The following LRRC58 variants were observed in gnomAD, a reference collection of about 807,000 sequenced individuals.
LRRC58 encodes leucine-rich repeat-containing protein 58.
Under a neutral mutation model 30.6 loss-of-function variants are expected in LRRC58, and 18 were observed. That is an observed-to-expected ratio of 0.59 (90% CI 0.41 to 0.87). The LOEUF (loss-of-function observed/expected upper bound fraction) is 0.87. LRRC58 is among the 40% of genes least tolerant of loss of function. LRRC58 has a pLI of 0.00. For synonymous variants in LRRC58, 221 were observed against 206.0 expected (o/e 1.07, Z -0.62); for missense variants, 420 against 468.4 (o/e 0.90, Z 0.95).
chr3:120,337,238 A>C (rs1321108748), intron 1 of LRRC58, among the ~76,000 whole-genome samples: 1 of 152,246 alleles, frequency 6.6e-6, no homozygotes, highest in Admixed American at 6.5e-5. Flanking sequence ...TTAGCATATA[A>C]GAGCACTCCT....
chr3:120,341,137 C>G (rs1295028511), intron 1 of LRRC58, among the ~76,000 whole-genome samples: 7 of 152,084 alleles, frequency 4.6e-5, no homozygotes, highest in African/African-American at 2.4e-5. Flanking sequence ...AAAACAGTTC[C>G]TAGGCAGGGT....
intron 3 of LRRC58, 135 bp from the exon 4 acceptor site, chr3:120,331,543 C>G (rs969674069): frequency 1.4e-6 from 1 of 704,784 alleles, no homozygotes; most frequent in African/African-American, 1.8e-5. Flanking sequence ...GTAGTACTTG[C>G]TTGTATAGCT....
At chr3:120,340,050 G>A (rs887583417) in intron 1 of LRRC58, among the ~76,000 whole-genome samples, 3 of 151,822 alleles carry the variant, frequency 2.0e-5, no homozygotes, top group African/African-American at 7.3e-5. Flanking sequence ...TAGTAAAGAC[G>A]AGGTTTTACC....
rs1250382745 is a variant in LRRC58, at chr3:120,325,133, A to G, written c.*6067T>C. The G allele has an allele frequency of 6.6e-6, 1 of 152,222 alleles. No homozygotes were observed. The highest frequency in any genetic ancestry group is 1.5e-5 in the Non-Finnish European group (1 of 68,032). The allele number at this position is 152,222 out of a possible 1,614,324, so 9.4% of individuals were successfully genotyped here. On this transcript the variant is annotated 3_prime_UTR_variant, in exon 4 of 4. Coordinates refer to ENST00000295628, the MANE Select transcript of LRRC58 (RefSeq NM_001099678.2). ...CTCAACTGCAGGCACACGTCTTTAC[A>G]TGATTGTTGTAAAGTGACTGTTTAG...
At position 120,327,020 on chromosome 3, in the gene LRRC58, GA is replaced by G. The variant is rs1935684671; in HGVS notation, c.*4179del. The G allele has an allele frequency of 6.6e-6, 1 of 152,196 alleles. No individual in the cohort carries two copies. Among genetic ancestry groups the G allele is most frequent in the African/African-American group, 2.4e-5 (1 of 41,446 alleles). The allele number at this position is 152,196 out of a possible 1,614,324, so 9.4% of individuals were successfully genotyped here. A position where few individuals can be genotyped will look rare whatever the true frequency, so the allele number is the denominator to read the frequency against. ...TTGGGAAGAGCAAGGTTGGCTGTAA[GA>G]AGATCGTATTACTTGCTGGCCCTTA... On this transcript the variant is annotated 3_prime_UTR_variant, in exon 4 of 4. Coordinates refer to ENST00000295628, the MANE Select transcript of LRRC58 (RefSeq NM_001099678.2).
Position 120,327,489 on chromosome 3 carries a change from C to T in LRRC58, c.*3711G>A, listed in dbSNP as rs1935697107. ...CAGGATGGTCTCGATCTCCTGACCTCGTGATCCACCCGCCTCGGCCTCCCA... is the reference window on the plus strand; with the variant it reads ...CAGGATGGTCTCGATCTCCTGACCTTGTGATCCACCCGCCTCGGCCTCCCA... On this transcript the variant is annotated 3_prime_UTR_variant, in exon 4 of 4. Transcript: ENST00000295628. The T allele has an allele frequency of 6.6e-6, 1 of 151,640 alleles. No individual in the cohort carries two copies. The highest frequency in any genetic ancestry group is 1.5e-5 in the Non-Finnish European group (1 of 67,898). 9.4% of individuals were successfully genotyped at this position (151,640 alleles called of 1,614,324 possible). A position where few individuals can be genotyped will look rare whatever the true frequency, so the allele number is the denominator to read the frequency against.
intron 3 of LRRC58, among the ~76,000 whole-genome samples, chr3:120,334,516 A>ATAAAT (rs1489584815): frequency 2.6e-5 from 2 of 75,728 alleles, no homozygotes; most frequent in Non-Finnish European, 4.8e-5. Flanking sequence ...TCAAAAATAA[A>ATAAAT]TAAATAAATA....
At chr3:120,333,374 T>C (rs1935786760) in intron 3 of LRRC58, among the ~76,000 whole-genome samples, 1 of 152,228 alleles carries the variant, frequency 6.6e-6, no homozygotes, top group South Asian at 2.1e-4. Flanking sequence ...TGCTGCCCTA[T>C]GTGTTTTCCT....
intron 1 of LRRC58, among the ~76,000 whole-genome samples, chr3:120,346,319 C>T (rs907050733): frequency 6.6e-6 from 1 of 152,178 alleles, no homozygotes; most frequent in East Asian, 1.9e-4. Flanking sequence ...CCTCCAACCC[C>T]CCAACAAAGA....
In LRRC58 at chr3:120,330,132, A is replaced by C. The variant is rs1316900866; in HGVS notation, c.*1068T>G. On this transcript the variant is annotated 3_prime_UTR_variant, in exon 4 of 4. Coordinates refer to ENST00000295628, the MANE Select transcript of LRRC58 (RefSeq NM_001099678.2). ...TAGTTGTATTAGTTTTTCTTTAAAAAGTAGAGAAAGATGGTCCAGTACATG... is the reference window on the plus strand; with the variant it reads ...TAGTTGTATTAGTTTTTCTTTAAAACGTAGAGAAAGATGGTCCAGTACATG... 6.6e-6 allele frequency: 1 copy of C among 152,088 alleles called. No individual in the cohort carries two copies. The highest frequency in any genetic ancestry group is 2.4e-5 in the African/African-American group (1 of 41,442). The allele number at this position is 152,088 out of a possible 1,614,324, so 9.4% of individuals were successfully genotyped here. A position where few individuals can be genotyped will look rare whatever the true frequency, so the allele number is the denominator to read the frequency against.
intron 1 of LRRC58, among the ~76,000 whole-genome samples, chr3:120,340,940 AC>A (rs894663620): frequency 3.3e-5 from 5 of 152,184 alleles, no homozygotes; most frequent in African/African-American, 9.7e-5. Flanking sequence ...TTTTAAAAAA[AC>A]GTATCTCTGA....
chr3:120,337,623 C>T (rs998542825), intron 1 of LRRC58, among the ~76,000 whole-genome samples: 4 of 152,034 alleles, frequency 2.6e-5, no homozygotes, highest in East Asian at 1.9e-4. Flanking sequence ...TGATTGAGCT[C>T]GTTAACTGAG....
intron 3 of LRRC58, among the ~76,000 whole-genome samples, chr3:120,333,280 A>G (rs148929374): frequency 0.018 from 2,721 of 152,300 alleles, 32 homozygotes; most frequent in Non-Finnish European, 0.031. Context: ...AAGAGAGAAA[A>G]GAGAATTCCT....
In LRRC58 at chr3:120,329,166, T is replaced by C. The variant is rs1236730835; in HGVS notation, c.*2034A>G. The C allele has an allele frequency of 3.3e-5, 5 of 152,140 alleles. No homozygotes were observed. The highest frequency in any genetic ancestry group is 7.4e-5 in the Non-Finnish European group (5 of 67,998). 9.4% of individuals were successfully genotyped at this position (152,140 alleles called of 1,614,324 possible). ...GCATAAGCATTTAGGCCAGAAAAAA[T>C]TGGTCCTATCAATTTGAGTATTTTA... On this transcript the variant is annotated 3_prime_UTR_variant, in exon 4 of 4. Coordinates refer to ENST00000295628, the MANE Select transcript of LRRC58 (RefSeq NM_001099678.2).
intron 3 of LRRC58, 33 bp downstream of exon 3, chr3:120,334,829 T>A: frequency 6.4e-7 from 1 of 1,557,734 alleles, no homozygotes; most frequent in Non-Finnish European, 8.7e-7. Flanking sequence ...AATAGCTAAA[T>A]AAGTGGGAAA....
intron 3 of LRRC58, among the ~76,000 whole-genome samples, chr3:120,333,120 A>T (rs1396980737): frequency 6.6e-6 from 1 of 151,604 alleles, no homozygotes; most frequent in Non-Finnish European, 1.5e-5. Flanking sequence ...AAAAAAAAAG[A>T]GATCCTTCTG....
At position 120,331,088 on chromosome 3, in the gene LRRC58, T is replaced by C. The variant is rs562802423; in HGVS notation, c.*112A>G. The C allele has an allele frequency of 3.7e-4, 334 of 899,314 alleles. 1 individual carries two copies. Among genetic ancestry groups the C allele is most frequent in the Non-Finnish European group, 1.4e-4 (77 of 567,868 alleles). The allele number at this position is 899,314 out of a possible 1,614,324, so 55.7% of individuals were successfully genotyped here. A position where few individuals can be genotyped will look rare whatever the true frequency, so the allele number is the denominator to read the frequency against. On this transcript the variant is annotated 3_prime_UTR_variant, in exon 4 of 4. Transcript: ENST00000295628. ...AATGTTTTATATCATCCCAGACTCT[T>C]TGATGAACACTTAAGATGAAGATAA...
At chr3:120,343,558 G>C (rs1441921763) in intron 1 of LRRC58, among the ~76,000 whole-genome samples, 1 of 152,094 alleles carries the variant, frequency 6.6e-6, no homozygotes, top group Non-Finnish European at 1.5e-5. Flanking sequence ...TTAATATATT[G>C]ACCTTAAAAT....
chr3:120,344,330 T>C (rs1173733013), intron 1 of LRRC58, among the ~76,000 whole-genome samples: 1 of 152,190 alleles, frequency 6.6e-6, no homozygotes, highest in Admixed American at 6.5e-5. Flanking sequence ...TACAAATAGA[T>C]GCATCATCTC....
Sources: gnomAD v4.1 joint callset for allele counts (sites outside exome capture counted in the v4.1 genomes callset) on GRCh38, gnomAD v4.1.1 for gene constraint, MANE v1.5 for transcripts, NCBI Gene and HGNC (gene_info 2026-07-23, HGNC 2026-07-21) for gene names.